GLI3: variants seen among roughly 807,000 people sequenced by gnomAD.
GLI3 encodes transcription activator GLI3.
Under a neutral mutation model 100.8 loss-of-function variants are expected in GLI3, and 20 were observed. The observed-to-expected ratio is 0.20, with a 90% CI of 0.14 to 0.29. GLI3 has a LOEUF of 0.29. Among genes scored for constraint, GLI3 ranks in the 10% least tolerant of loss-of-function variants. The pLI, the probability that GLI3 is intolerant of heterozygous loss-of-function variation, is 1.00. For synonymous variants in GLI3, 938 were observed against 860.5 expected (o/e 1.09, Z -1.58); for missense variants, 2,040 against 2,128.5 (o/e 0.96, Z 0.82).
intron 6 of GLI3, 86 bp from the exon 7 acceptor site, chr7:42,040,325 T>A (rs1033220699): frequency 2.9e-6 from 3 of 1,030,366 alleles, no homozygotes; most frequent in Admixed American, 1.8e-5. Flanking sequence ...GTGGAAGAAG[T>A]GAAGGATAAG....
intron 2 of GLI3, among the ~76,000 whole-genome samples, chr7:42,177,546 T>C (rs544363261): frequency 6.6e-6 from 1 of 152,194 alleles, no homozygotes. Flanking sequence ...GATCCAGAAC[T>C]TAAGCCTTTG....
chr7:42,084,361 C>A (rs1484000775), intron 3 of GLI3, among the ~76,000 whole-genome samples: 1 of 152,212 alleles, frequency 6.6e-6, no homozygotes, highest in Non-Finnish European at 1.5e-5. Flanking sequence ...CAGTCGTGAA[C>A]CAACAACTGA....
intron 2 of GLI3, among the ~76,000 whole-genome samples, chr7:42,167,245 G>A (rs1787264673): frequency 6.6e-6 from 1 of 152,160 alleles, no homozygotes. Flanking sequence ...GCTAAGGACA[G>A]TAAGCAATGG....
intron 8 of GLI3, 85 bp from the exon 9 acceptor site, chr7:42,025,462 G>C: frequency 1.1e-6 from 1 of 949,986 alleles, no homozygotes; most frequent in Non-Finnish European, 1.7e-6. Flanking sequence ...GCCAACTCGG[G>C]ACAAGCGGTC....
intron 13 of GLI3, among the ~76,000 whole-genome samples, chr7:41,969,288 C>G (rs1787306682): frequency 2.0e-5 from 3 of 152,306 alleles, no homozygotes; most frequent in East Asian, 3.9e-4. Flanking sequence ...TTACTATAAA[C>G]ACGGACAGCA....
intron 4 of GLI3, among the ~76,000 whole-genome samples, chr7:42,049,672 T>C (rs1049663932): frequency 3.3e-5 from 5 of 152,178 alleles, no homozygotes; most frequent in African/African-American, 1.2e-4. Flanking sequence ...TGCTGCCCCA[T>C]AGCCACAGCC....
chr7:42,087,861 C>A (rs905513068), intron 3 of GLI3, among the ~76,000 whole-genome samples: 2 of 152,166 alleles, frequency 1.3e-5, no homozygotes, highest in Admixed American at 6.5e-5. Context: ...GTCCCTTAAA[C>A]TCTGAACCCT....
At chr7:42,036,262 T>C (rs895736926) in intron 7 of GLI3, among the ~76,000 whole-genome samples, 1 of 152,228 alleles carries the variant, frequency 6.6e-6, no homozygotes, top group Non-Finnish European at 1.5e-5. Context: ...CTCATACAGA[T>C]TGCAACTTTC....
chr7:42,242,487 C>A (rs1481516644), upstream of GLI3, among the ~76,000 whole-genome samples: 2 of 152,228 alleles, frequency 1.3e-5, no homozygotes, highest in Non-Finnish European at 2.9e-5. Flanking sequence ...ATAGCTCCGA[C>A]ATTCCCCACT....
At chr7:42,148,813 A>G (rs1786785558) in intron 2 of GLI3, among the ~76,000 whole-genome samples, 1 of 152,172 alleles carries the variant, frequency 6.6e-6, no homozygotes, top group Admixed American at 6.5e-5. Flanking sequence ...TGCAGGTCCC[A>G]CGTGGAACTG....
chr7:42,257,753 A>T (rs1277417527), intron 1 of GLI3, among the ~76,000 whole-genome samples: 2 of 152,172 alleles, frequency 1.3e-5, no homozygotes, highest in African/African-American at 4.8e-5. Flanking sequence ...TTTAAAAAAA[A>T]AATCATGAAT....
rs150914647 is a variant in GLI3 at position 42,164,272 on chromosome 7, G to A, written c.125-15804C>T. ...ATGGTGGCTCACACCTGTAATCCCA[G>A]CACTTTGGGAGGCTGGAGTGGGCAG... is the stretch of plus-strand genomic sequence containing the variant. On this transcript the variant is annotated intron_variant, in intron 2 of 14. Transcript: ENST00000395925. Among the ~76,000 whole-genome samples, 981 of 152,306 alleles carry A rather than the reference G, an allele frequency of 6.4e-3. 15 individuals carry two copies. Among genetic ancestry groups the A allele is most frequent in the African/African-American group, 0.022 (933 of 41,558 alleles).
At chr7:42,211,126 A>G (rs182492516) in intron 2 of GLI3, among the ~76,000 whole-genome samples, 1 of 152,346 alleles carries the variant, frequency 6.6e-6, no homozygotes, top group African/African-American at 2.4e-5. Context: ...AACTGATCAA[A>G]GAAAGTGCTT....
At chr7:42,109,425 T>C (rs979933397) in intron 3 of GLI3, among the ~76,000 whole-genome samples, 1 of 152,172 alleles carries the variant, frequency 6.6e-6, no homozygotes, top group Non-Finnish European at 1.5e-5. Context: ...AAGATATTGC[T>C]GATGTTTTGG....
chr7:42,135,964 T>C (rs1786419154), intron 3 of GLI3, among the ~76,000 whole-genome samples: 1 of 152,134 alleles, frequency 6.6e-6, no homozygotes, highest in Non-Finnish European at 1.5e-5. Flanking sequence ...TCCCACCACC[T>C]CCTCCCCTGG....
At chr7:42,027,681 G>A (rs1363367415) in intron 7 of GLI3, among the ~76,000 whole-genome samples, 1 of 152,172 alleles carries the variant, frequency 6.6e-6, no homozygotes, top group African/African-American at 2.4e-5. Context: ...CATTCCTGCA[G>A]AGAACCTTAC....
chr7:42,178,230 G>A (rs189054235), intron 2 of GLI3, among the ~76,000 whole-genome samples: 2 of 152,296 alleles, frequency 1.3e-5, no homozygotes, highest in Non-Finnish European at 1.5e-5. Flanking sequence ...GACAAAATGT[G>A]CATCACCTAA....
chr7:42,052,074 G>A (rs1303078495), intron 4 of GLI3, among the ~76,000 whole-genome samples: 1 of 152,192 alleles, frequency 6.6e-6, no homozygotes, highest in Non-Finnish European at 1.5e-5. Flanking sequence ...ATGTCAGGCA[G>A]TATGTAGACT....
chr7:42,017,574 C>T (rs1788803132), intron 10 of GLI3, among the ~76,000 whole-genome samples: 2 of 152,180 alleles, frequency 1.3e-5, no homozygotes, highest in South Asian at 4.2e-4. Context: ...CTAGCTCGCA[C>T]TTGAGGGAGA....
Sources: allele counts gnomAD v4.1 joint callset (sites outside exome capture counted in the v4.1 genomes callset), GRCh38; gene constraint gnomAD v4.1.1; transcripts MANE v1.5; gene names NCBI Gene and HGNC (gene_info 2026-07-23, HGNC 2026-07-21).